Variants in IGFL2 observed in about 807,000 individuals in gnomAD.
IGFL2 encodes IGF like family member 2.
In IGFL2, 7 loss-of-function variants were observed where a neutral mutation model predicts 13.9. The ratio of observed to expected loss-of-function variants is 0.51; its 90% CI spans 0.29 to 0.95. IGFL2 has a LOEUF of 0.95. IGFL2 is among the 40% of genes least tolerant of loss of function. The pLI, the probability that IGFL2 is intolerant of heterozygous loss-of-function variation, is 0.08. For synonymous variants in IGFL2, 55 were observed against 55.8 expected (o/e 0.99, Z 0.07); for missense variants, 138 against 147.8 (o/e 0.93, Z 0.34).
the IGFL2 span, among the ~76,000 whole-genome samples, chr19:46,186,388 C>T: frequency 6.6e-6 from 1 of 152,156 alleles, no homozygotes; most frequent in Admixed American, 6.5e-5. Context: ...TACCCAGCTG[C>T]GGTGTCCACA....
At chr19:46,189,703 A>ATC in the IGFL2 span, 5 of 152,552 alleles carry the variant, frequency 3.3e-5, no homozygotes, top group South Asian at 1.0e-3. Flanking sequence ...TTCAGCTCCT[A>ATC]TCTCTGTATG....
the IGFL2 span, among the ~76,000 whole-genome samples, chr19:46,186,858 A>G: frequency 6.6e-6 from 1 of 152,244 alleles, no homozygotes; most frequent in African/African-American, 2.4e-5. Flanking sequence ...GCTAACAGGA[A>G]AGACAAGATG....
At chr19:46,175,269 A>C in the IGFL2 span, among the ~76,000 whole-genome samples, 1 of 152,120 alleles carries the variant, frequency 6.6e-6, no homozygotes, top group East Asian at 1.9e-4. Context: ...CCTATTTCAA[A>C]CTTACAGATA....
the IGFL2 span, among the ~76,000 whole-genome samples, chr19:46,210,719 C>T: frequency 0.014 from 2,098 of 152,282 alleles, 52 homozygotes; most frequent in African/African-American, 0.048. Context: ...TGTCCACCCA[C>T]GTTAAGGGTG....
chr19:46,155,710 T>G lies in IGFL2; in HGVS notation c.20-4705T>G, dbSNP rs565517353. On this transcript the variant is annotated intron_variant, in intron 1 of 3. Transcript: ENST00000377693. Reference sequence around the variant, plus strand: ...GTGTGAGATAAGGGTCAAGATACATTCCCCCCCAATATAGATATCTATTAA... The same window carrying G: ...GTGTGAGATAAGGGTCAAGATACATGCCCCCCCAATATAGATATCTATTAA... Among the ~76,000 whole-genome samples, 257 of 152,012 alleles carry G rather than the reference T, an allele frequency of 1.7e-3. 2 individuals are homozygous for G. Among genetic ancestry groups the G allele is most frequent in the African/African-American group, 5.9e-3 (244 of 41,434 alleles).
the IGFL2 span, among the ~76,000 whole-genome samples, chr19:46,102,615 AC>A: frequency 6.6e-6 from 1 of 152,132 alleles, no homozygotes; most frequent in Non-Finnish European, 1.5e-5. Flanking sequence ...ACAAATCACA[AC>A]GGTGGAATGT....
At chr19:46,103,786 A>C in the IGFL2 span, among the ~76,000 whole-genome samples, 2 of 152,108 alleles carry the variant, frequency 1.3e-5, no homozygotes, top group Non-Finnish European at 2.9e-5. Context: ...AAATGATAGG[A>C]TGTATTAGGC....
chr19:46,092,279 TC>T, the IGFL2 span, among the ~76,000 whole-genome samples: 1 of 151,886 alleles, frequency 6.6e-6, no homozygotes, highest in African/African-American at 2.4e-5. Flanking sequence ...TCTGCCTCAG[TC>T]CCCTGAGTAT....
the IGFL2 span, among the ~76,000 whole-genome samples, chr19:46,172,141 C>T: frequency 6.6e-6 from 1 of 152,154 alleles, no homozygotes. Flanking sequence ...AGCCATTAAC[C>T]TGGATGTAAC....
At chr19:46,185,360 G>A in the IGFL2 span, among the ~76,000 whole-genome samples, 3 of 152,218 alleles carry the variant, frequency 2.0e-5, no homozygotes, top group African/African-American at 7.2e-5. Context: ...GTCCAGCCTG[G>A]GGAAGGGCCA....
At chr19:46,179,658 G>T in the IGFL2 span, 1 of 152,318 alleles carries the variant, frequency 6.6e-6, no homozygotes, top group Non-Finnish European at 1.5e-5. Context: ...TGGGCTCAGT[G>T]GCTCATGCCT....
the IGFL2 span, among the ~76,000 whole-genome samples, chr19:46,082,012 C>T: frequency 6.6e-5 from 10 of 152,182 alleles, no homozygotes; most frequent in Admixed American, 5.2e-4. Flanking sequence ...ATGGGAGAAT[C>T]CTCACTTTCA....
chr19:46,198,879 T>C, the IGFL2 span, among the ~76,000 whole-genome samples: 2 of 152,194 alleles, frequency 1.3e-5, no homozygotes, highest in Non-Finnish European at 2.9e-5. Context: ...TGAGGCCAGA[T>C]GGAACTAACA....
chr19:46,098,698 C>T, the IGFL2 span, among the ~76,000 whole-genome samples: 2 of 152,040 alleles, frequency 1.3e-5, no homozygotes, highest in South Asian at 2.1e-4. Context: ...AGGCTGGTCT[C>T]GAACTTCTGA....
At chr19:46,090,696 G>C in the IGFL2 span, among the ~76,000 whole-genome samples, 3 of 152,316 alleles carry the variant, frequency 2.0e-5, no homozygotes, top group South Asian at 2.1e-4. Context: ...GCCTGTGGCT[G>C]CTGGTGCCTG....
At chr19:46,119,900 C>G in the IGFL2 span, among the ~76,000 whole-genome samples, 1 of 150,690 alleles carries the variant, frequency 6.6e-6, no homozygotes, top group Non-Finnish European at 1.5e-5. Context: ...GCAGCAGCAT[C>G]TGGGGGATGC....
At chr19:46,181,436 T>C in the IGFL2 span, 3 of 152,208 alleles carry the variant, frequency 2.0e-5, no homozygotes, top group African/African-American at 7.2e-5. Context: ...TTTCTATAAG[T>C]TGCTTCCTGC....
chr19:46,161,543 T>A (rs185254880), downstream of IGFL2, among the ~76,000 whole-genome samples: 235 of 152,336 alleles, frequency 1.5e-3, 1 homozygote, highest in African/African-American at 5.0e-3. Flanking sequence ...GATAATTAGG[T>A]CTTCTTGTTG....
the IGFL2 span, among the ~76,000 whole-genome samples, chr19:46,085,700 T>C: frequency 2.0e-5 from 3 of 152,254 alleles, no homozygotes; most frequent in African/African-American, 4.8e-5. Context: ...CCTGATTGTA[T>C]AGTTGCTTTA....
Sources: gnomAD v4.1 joint callset for allele counts (sites outside exome capture counted in the v4.1 genomes callset) on GRCh38, gnomAD v4.1.1 for gene constraint, MANE v1.5 for transcripts, NCBI Gene and HGNC (gene_info 2026-07-23, HGNC 2026-07-21) for gene names.